Variants in TBCE observed in about 807,000 individuals in gnomAD.
TBCE encodes the protein tubulin folding cofactor E, also known as tubulin-specific chaperone E.
In TBCE, 53 loss-of-function variants were observed where a neutral mutation model predicts 77.0. That is an observed-to-expected ratio of 0.69 (90% confidence interval 0.55 to 0.87). The LOEUF is 0.87. Among genes scored for constraint, TBCE ranks in the 40% least tolerant of loss-of-function variants. The pLI is 0.00. For missense variants in TBCE, 624 were observed against 622.4 expected (o/e 1.00, Z -0.03); for synonymous variants, 235 against 241.3 (o/e 0.97, Z 0.24).
chr1:235,401,826 C>CTTTTTTTTTTT (rs11285286), intron 3 of TBCE, among the ~76,000 whole-genome samples: 7 of 88,586 alleles, frequency 7.9e-5, no homozygotes, highest in Non-Finnish European at 1.3e-4. Flanking sequence ...TTTCTTCGTC[C>CTTTTTTTTTTT]TTTTTTTTTT....
chr1:235,424,163 A>G (rs1022543575), intron 5 of TBCE, among the ~76,000 whole-genome samples: 6 of 152,246 alleles, frequency 3.9e-5, no homozygotes, highest in South Asian at 4.2e-4. Context: ...TTTGCACACA[A>G]TGACACAGCT....
At chr1:235,427,330 C>A (rs1282923090) in intron 6 of TBCE, 91 bp downstream of exon 6, 5 of 1,005,458 alleles carry the variant, frequency 5.0e-6, no homozygotes, top group Non-Finnish European at 7.7e-6. Flanking sequence ...AGGTAGGGAG[C>A]CGGAAGGGTT....
At chr1:235,394,391 T>C (rs1042924954) in intron 2 of TBCE, among the ~76,000 whole-genome samples, 14 of 148,500 alleles carry the variant, frequency 9.4e-5, no homozygotes, top group African/African-American at 3.0e-4. Context: ...AATTTTATTA[T>C]AGACATTTGA....
chr1:235,376,537 T>C (rs1331721860), intron 1 of TBCE, among the ~76,000 whole-genome samples: 3 of 152,134 alleles, frequency 2.0e-5, no homozygotes, highest in Non-Finnish European at 4.4e-5. Flanking sequence ...CTGCAGTCAT[T>C]TTATTCGTCC....
At chr1:235,419,436 T>G (rs1422894060) in intron 4 of TBCE, 37 bp from the exon 5 acceptor site, 1 of 1,614,134 alleles carries the variant, frequency 6.2e-7, no homozygotes. Flanking sequence ...ATAGCATACG[T>G]GCTTATGTAT....
intron 15 of TBCE, among the ~76,000 whole-genome samples, chr1:235,446,388 G>A (rs1476165883): frequency 6.6e-6 from 1 of 152,040 alleles, no homozygotes; most frequent in Non-Finnish European, 1.5e-5. Context: ...TGTTGGCCAG[G>A]CTGGTCTCAA....
At chr1:235,374,146 A>G in intron 1 of TBCE, among the ~76,000 whole-genome samples, 1 of 143,056 alleles carries the variant, frequency 7.0e-6, no homozygotes, top group South Asian at 2.2e-4. Context: ...TAGTAGAGAC[A>G]GGTTTCACCA....
Position 235,435,637 on chromosome 1 carries a change from T to C in TBCE, c.738-108T>C, listed in dbSNP as rs545889833. On this transcript the variant is annotated intron_variant, in intron 8 of 16. Transcript: ENST00000642610. ...CCCCTTTACAGTCATATTTACTTGC[T>C]TCTTATCCCCAGCCCTCCATCGCAC... is the stretch of plus-strand genomic sequence containing the variant. 167 of 1,061,918 alleles carry C rather than the reference T, an allele frequency of 1.6e-4. No homozygotes were observed. The African/African-American group carries it at 2.5e-3, about 16-fold the overall frequency. The allele number at this position is 1,061,918 out of a possible 1,614,324, so 65.8% of individuals were successfully genotyped here.
intron 2 of TBCE, among the ~76,000 whole-genome samples, chr1:235,385,287 T>C (rs1677929886): frequency 6.6e-6 from 1 of 152,154 alleles, no homozygotes; most frequent in South Asian, 2.1e-4. Flanking sequence ...AAAAAATGTA[T>C]ATTCTGTTGA....
chr1:235,446,391 G>A (rs371628401), intron 15 of TBCE, among the ~76,000 whole-genome samples: 19 of 152,174 alleles, frequency 1.2e-4, no homozygotes, highest in African/African-American at 4.3e-4. Flanking sequence ...TGGCCAGGCT[G>A]GTCTCAAACT....
chr1:235,410,871 C>T (rs144585735), intron 3 of TBCE, among the ~76,000 whole-genome samples: 6 of 152,246 alleles, frequency 3.9e-5, no homozygotes, highest in African/African-American at 1.4e-4. Context: ...GTTGGTATGG[C>T]GAAGGCCATT....
Position 235,436,608 on chromosome 1 carries a change from A to G in TBCE, c.963A>G (p.Gln321=). ...TAGTAAACGACAATCAGATATCACA[A>G]GTAAGAGCTGCTCGGAGTATGCCCA... The part of the protein sequence containing the change: ...YLVVNDNQIS[Q]WSFFNELEKL... Residue 321 remains glutamine, a splice_region_variant and synonymous_variant, in exon 11 of 17, where the codon CAA becomes CAG. Coordinates refer to ENST00000642610, the MANE Select transcript of TBCE (RefSeq NM_003193.5). 6.2e-7 allele frequency: 1 copy of G among 1,613,496 alleles called. No homozygotes were observed. Among genetic ancestry groups the G allele is most frequent in the Non-Finnish European group, 8.5e-7 (1 of 1,179,378 alleles).
At chr1:235,441,938 C>T (rs1261028488) in intron 14 of TBCE, 56 bp downstream of exon 14, 58 of 1,483,698 alleles carry the variant, frequency 3.9e-5, no homozygotes, top group Non-Finnish European at 5.2e-5. Flanking sequence ...GGTGCTGAAA[C>T]AGTTAGTGTG....
intron 15 of TBCE, among the ~76,000 whole-genome samples, chr1:235,446,069 A>G (rs1003186602): frequency 1.3e-5 from 2 of 152,230 alleles, no homozygotes; most frequent in Non-Finnish European, 2.9e-5. Flanking sequence ...TGGCTGCCAT[A>G]CTGGGCAGTG....
At chr1:235,428,683 C>T (rs1245799490) in intron 6 of TBCE, among the ~76,000 whole-genome samples, 5 of 146,310 alleles carry the variant, frequency 3.4e-5, no homozygotes, top group South Asian at 2.1e-4. Flanking sequence ...CTCGCCCTGT[C>T]GCCAGGCTGG....
At chr1:235,395,842 G>C (rs542124455) in intron 2 of TBCE, among the ~76,000 whole-genome samples, 2 of 152,112 alleles carry the variant, frequency 1.3e-5, no homozygotes, top group South Asian at 4.1e-4. Flanking sequence ...ACCGTGCCCA[G>C]CCCCGTTCTA....
chr1:235,377,445 C>T (rs900919340), intron 1 of TBCE, among the ~76,000 whole-genome samples: 1 of 152,206 alleles, frequency 6.6e-6, no homozygotes, highest in African/African-American at 2.4e-5. Context: ...TCCCAAAATG[C>T]TGGGATTGCA....
Position 235,450,715 on chromosome 1 carries a change from C to T in TBCE, c.*1953C>T. On this transcript the variant is annotated 3_prime_UTR_variant, in exon 17 of 17. Coordinates refer to ENST00000642610, the MANE Select transcript of TBCE (RefSeq NM_003193.5). ...TGGAATGCTTACAATATTGCAGGGA[C>T]TGTACCAAGTGCTTTGTAAATATCT... 1.6e-5 allele frequency: 3 copies of T among 190,674 alleles called. No individual in the cohort carries two copies. In the South Asian group the frequency reaches 3.3e-4, roughly 21 times the overall value. 11.8% of individuals were successfully genotyped at this position (190,674 alleles called of 1,614,324 possible).
intron 1 of TBCE, among the ~76,000 whole-genome samples, chr1:235,369,008 A>G (rs984197380): frequency 6.6e-6 from 1 of 152,146 alleles, no homozygotes; most frequent in Non-Finnish European, 1.5e-5. Context: ...CTCCACCTTT[A>G]AAATCTGTCC....
Sources: gnomAD v4.1 joint callset for allele counts (sites outside exome capture counted in the v4.1 genomes callset) on GRCh38, gnomAD v4.1.1 for gene constraint, MANE v1.5 for transcripts, NCBI Gene and HGNC (gene_info 2026-07-23, HGNC 2026-07-21) for gene names.